The following SLC25A30 variants were observed in gnomAD, a reference collection of about 807,000 sequenced individuals.
The protein encoded by SLC25A30 is kidney mitochondrial carrier protein 1.
A neutral mutation model predicts 42.7 loss-of-function variants in SLC25A30; 29 were observed. That is an observed-to-expected ratio of 0.68 (90% CI 0.51 to 0.93). The LOEUF is 0.93. Ranked by LOEUF, SLC25A30 falls within the 40% of genes least tolerant of loss-of-function variation. The pLI is 0.00. For synonymous variants in SLC25A30, 124 were observed against 131.0 expected, an observed-to-expected ratio of 0.95 and a Z score of 0.37; for missense variants, 300 against 359.7, an observed-to-expected ratio of 0.83 and a Z score of 1.34.
the SLC25A30 span, among the ~76,000 whole-genome samples, chr13:45,428,978 G>A: frequency 6.6e-6 from 1 of 150,896 alleles, no homozygotes; most frequent in Non-Finnish European, 1.5e-5. Flanking sequence ...AATTTGAGGG[G>A]AAATTATTAC....
rs1175361367 is a variant in SLC25A30 at position 45,393,491 on chromosome 13, C to T, written c.*2483G>A. The T allele has an allele frequency of 1.0e-6, 1 of 985,062 alleles. No individual in the cohort carries two copies. Among genetic ancestry groups the T allele is most frequent in the African/African-American group, 1.7e-5 (1 of 57,188 alleles). 61.0% of individuals were successfully genotyped at this position (985,062 alleles called of 1,614,324 possible). On this transcript the variant is annotated 3_prime_UTR_variant, in exon 10 of 10. Coordinates refer to ENST00000519676, the MANE Select transcript of SLC25A30 (RefSeq NM_001010875.4). Reference sequence around the variant, plus strand: ...GAATAAATATAAAGGACAGGAGCCACTTTTTATATTATGAATCCACAACAT... The same window carrying T: ...GAATAAATATAAAGGACAGGAGCCATTTTTTATATTATGAATCCACAACAT...
chr13:45,413,784 C>T (rs2137691118), intron 1 of SLC25A30, among the ~76,000 whole-genome samples: 1 of 152,310 alleles, frequency 6.6e-6, no homozygotes, highest in East Asian at 1.9e-4. Context: ...AACTCCTGAC[C>T]TCAGGTAATC....
the SLC25A30 span, among the ~76,000 whole-genome samples, chr13:45,424,813 T>C: frequency 1.7e-5 from 1 of 60,330 alleles, no homozygotes; most frequent in Admixed American, 3.0e-4. Context: ...TATAAAAAAA[T>C]ATAAATATAT....
At chr13:45,432,969 T>C in the SLC25A30 span, among the ~76,000 whole-genome samples, 1 of 150,052 alleles carries the variant, frequency 6.7e-6, no homozygotes, top group African/African-American at 2.5e-5. Flanking sequence ...CCCGGGAAGG[T>C]TGAGGCTGCA....
At chr13:45,401,825 C>T (rs776342571) in intron 6 of SLC25A30, among the ~76,000 whole-genome samples, 10 of 151,986 alleles carry the variant, frequency 6.6e-5, no homozygotes, top group East Asian at 1.9e-4. Context: ...TTTGGGAGGC[C>T]GAGGCAGGCA....
chr13:45,427,762 T>TC, the SLC25A30 span, among the ~76,000 whole-genome samples: 2 of 152,008 alleles, frequency 1.3e-5, no homozygotes, highest in African/African-American at 4.8e-5. Context: ...TCTTTTCTTT[T>TC]TGAGACAGAT....
the SLC25A30 span, among the ~76,000 whole-genome samples, chr13:45,425,766 C>A: frequency 6.9e-6 from 1 of 145,096 alleles, no homozygotes; most frequent in Non-Finnish European, 1.5e-5. Flanking sequence ...GAACTCGGCT[C>A]ACTGCCGTCT....
intron 3 of SLC25A30, among the ~76,000 whole-genome samples, chr13:45,408,168 G>A (rs943625885): frequency 4.1e-4 from 62 of 152,186 alleles, no homozygotes; most frequent in African/African-American, 1.4e-3. Context: ...AGGCTGGGTC[G>A]AACTGCACAC....
the SLC25A30 span, among the ~76,000 whole-genome samples, chr13:45,425,350 ATATG>A: frequency 3.7e-5 from 4 of 109,398 alleles, no homozygotes; most frequent in South Asian, 7.5e-4. Context: ...ATATATAACT[ATATG>A]TAAGTATATG....
chr13:45,412,095 A>G (rs934359035), intron 1 of SLC25A30, among the ~76,000 whole-genome samples: 3 of 151,826 alleles, frequency 2.0e-5, no homozygotes, highest in African/African-American at 4.8e-5. Flanking sequence ...TAAAATGACA[A>G]TTACTTAAAA....
chr13:45,425,691 T>A, the SLC25A30 span, among the ~76,000 whole-genome samples: 2 of 133,880 alleles, frequency 1.5e-5, no homozygotes, highest in Non-Finnish European at 3.1e-5. Flanking sequence ...TAAATATATA[T>A]ACACACATAT....
chr13:45,415,150 C>T (rs1383076563), intron 1 of SLC25A30, among the ~76,000 whole-genome samples: 1 of 152,170 alleles, frequency 6.6e-6, no homozygotes, highest in African/African-American at 2.4e-5. Flanking sequence ...TCCCTGAATA[C>T]CTGCTGTTAG....
intron 6 of SLC25A30, among the ~76,000 whole-genome samples, chr13:45,401,786 G>A (rs1050727265): frequency 1.3e-5 from 2 of 151,928 alleles, no homozygotes; most frequent in African/African-American, 2.4e-5. Flanking sequence ...TAGGCCAGGC[G>A]CAATGCCTCA....
chr13:45,426,776 C>T, the SLC25A30 span, among the ~76,000 whole-genome samples: 1 of 152,124 alleles, frequency 6.6e-6, no homozygotes, highest in African/African-American at 2.4e-5. Context: ...CTTACACCTT[C>T]AATTTAAAGT....
intron 3 of SLC25A30, 56 bp downstream of exon 3, chr13:45,408,871 C>T: frequency 6.5e-7 from 1 of 1,532,754 alleles, no homozygotes; most frequent in African/African-American, 1.4e-5. Flanking sequence ...GGTCTGAAGT[C>T]TATACCCATG....
rs184645549 is a variant in SLC25A30, at chr13:45,406,007, G to A, written c.213-30C>T. 13,372 of 1,607,080 alleles carry A rather than the reference G, an allele frequency of 8.3e-3. 69 individuals are homozygous for A. Among genetic ancestry groups the A allele is most frequent in the Non-Finnish European group, 0.01 (12,044 of 1,173,982 alleles). On this transcript the variant is annotated intron_variant, in intron 3 of 9. Transcript: ENST00000519676. ...TAAACCAATGTACAAAGGGACAAAA[G>A]CAATCTAAAAATCACTTAACATCGG...
intron 9 of SLC25A30, chr13:45,396,729 G>A (rs1881369885): frequency 6.4e-6 from 1 of 155,606 alleles, no homozygotes; most frequent in Non-Finnish European, 1.4e-5. Context: ...CCGAGATCAC[G>A]CCACTGTACT....
Position 45,393,731 on chromosome 13 carries a change from A to G in SLC25A30, c.*2243T>C. The G allele has an allele frequency of 1.0e-6, 1 of 985,454 alleles. No homozygotes were observed. Among genetic ancestry groups the G allele is most frequent in the Non-Finnish European group, 1.2e-6 (1 of 829,914 alleles). The allele number at this position is 985,454 out of a possible 1,614,324, so 61.0% of individuals were successfully genotyped here. ...ATTGCATTAACTCTTTCAAAAAAAC[A>G]GAAAAAGCAGGTTAAGATCCTGTTC... On this transcript the variant is annotated 3_prime_UTR_variant, in exon 10 of 10. Transcript: ENST00000519676.
chr13:45,401,495 C>G (rs1360603678), intron 6 of SLC25A30, among the ~76,000 whole-genome samples: 1 of 152,098 alleles, frequency 6.6e-6, no homozygotes, highest in East Asian at 1.9e-4. Flanking sequence ...AGAGATCACA[C>G]TGGATGATCT....
Sources: allele counts gnomAD v4.1 joint callset (sites outside exome capture counted in the v4.1 genomes callset), GRCh38; gene constraint gnomAD v4.1.1; transcripts MANE v1.5; gene names NCBI Gene and HGNC (gene_info 2026-07-23, HGNC 2026-07-21).